NRXN3: variants seen among roughly 807,000 people sequenced by gnomAD.
NRXN3 encodes neurexin III.
In NRXN3, 32 loss-of-function variants were observed where a neutral mutation model predicts 137.6. That is an observed-to-expected ratio of 0.23 (90% confidence interval 0.18 to 0.31). The LOEUF (loss-of-function observed/expected upper bound fraction) is 0.31, where lower values mean the gene tolerates loss of function less well. Ranked by LOEUF, NRXN3 falls within the 10% of genes least tolerant of loss-of-function variation. NRXN3 has a pLI of 1.00. For synonymous variants in NRXN3, 798 were observed against 784.5 expected, an observed-to-expected ratio of 1.02 and a Z score of -0.29; for missense variants, 1,574 against 2,062.5, an observed-to-expected ratio of 0.76 and a Z score of 4.59.
chr14:79,795,504 A>AT (rs2099158437), intron 19 of NRXN3, among the ~76,000 whole-genome samples: 1 of 152,088 alleles, frequency 6.6e-6, no homozygotes, highest in African/African-American at 2.4e-5. Context: ...CCTCCTCTGC[A>AT]TTTTTCCTCT....
intron 15 of NRXN3, among the ~76,000 whole-genome samples, chr14:79,351,095 A>AATGT (rs2093184827): frequency 1.3e-5 from 2 of 152,166 alleles, no homozygotes; most frequent in African/African-American, 2.4e-5. Context: ...CAAACTTTCA[A>AATGT]CTAATGGTCT....
At chr14:79,372,675 A>G (rs2153437044) in intron 15 of NRXN3, among the ~76,000 whole-genome samples, 1 of 152,148 alleles carries the variant, frequency 6.6e-6, no homozygotes, top group East Asian at 1.9e-4. Flanking sequence ...TTTGTTAGTC[A>G]AGGTGCATGT....
intron 16 of NRXN3, among the ~76,000 whole-genome samples, chr14:79,599,289 T>C (rs973589136): frequency 6.6e-6 from 1 of 152,206 alleles, no homozygotes; most frequent in Non-Finnish European, 1.5e-5. Flanking sequence ...TCTTGTATTC[T>C]CTCCTCTTCT....
intron 4 of NRXN3, among the ~76,000 whole-genome samples, chr14:78,611,872 AT>A (rs1421013556): frequency 6.6e-6 from 1 of 152,224 alleles, no homozygotes; most frequent in East Asian, 1.9e-4. Context: ...TCACTTACAG[AT>A]TCTTCCAGAC....
At chr14:79,017,651 A>T (rs2099581540) in intron 15 of NRXN3, among the ~76,000 whole-genome samples, 2 of 152,134 alleles carry the variant, frequency 1.3e-5, no homozygotes, top group South Asian at 4.1e-4. Context: ...CAGCTTGCAC[A>T]TTCTATGCTA....
intron 15 of NRXN3, among the ~76,000 whole-genome samples, chr14:79,328,961 T>C (rs2091295944): frequency 6.6e-6 from 1 of 152,226 alleles, no homozygotes; most frequent in Non-Finnish European, 1.5e-5. Flanking sequence ...TTTCCTTCTT[T>C]GACATAATTT....
At chr14:79,086,519 TGTG>T (rs1196034204) in intron 15 of NRXN3, among the ~76,000 whole-genome samples, 2 of 152,030 alleles carry the variant, frequency 1.3e-5, no homozygotes, top group Admixed American at 6.6e-5. Context: ...CATTTTAAAT[TGTG>T]GTGTTTTAAA....
At position 79,168,949 on chromosome 14, in the gene NRXN3, C is replaced by A. The variant is rs116763557; in HGVS notation, c.3262+180808C>A. Among the ~76,000 whole-genome samples the A allele has an allele frequency of 1.9e-3, 292 of 152,162 alleles. 1 individual carries two copies. The highest frequency in any genetic ancestry group is 6.0e-3 in the African/African-American group (249 of 41,522). On this transcript the variant is annotated intron_variant, in intron 15 of 20. Transcript: ENST00000335750. ...GGGAACATGGAGACTATGGGCACTT[C>A]TCTGATTCATGTGATGTTCTCACAA...
chr14:79,454,183 A>G (rs899817428), intron 15 of NRXN3, among the ~76,000 whole-genome samples: 1 of 152,030 alleles, frequency 6.6e-6, no homozygotes, highest in African/African-American at 2.4e-5. Context: ...TCCCAGGTTC[A>G]AGCGATTCTG....
Position 78,603,264 on chromosome 14 carries a change from A to G in NRXN3, c.758-41856A>G, listed in dbSNP as rs555059815. 1.5e-4 allele frequency among the ~76,000 whole-genome samples: 23 copies of G among 152,130 alleles called. No individual in the cohort carries two copies. In the East Asian group the frequency reaches 4.5e-3, roughly 29 times the overall value. Reference sequence around the variant, plus strand: ...ATGGCATTAAAAGGCCTGCCTGCCTACTTTACAAGGACCCTCATTTCTTTA... The same window carrying G: ...ATGGCATTAAAAGGCCTGCCTGCCTGCTTTACAAGGACCCTCATTTCTTTA... On this transcript the variant is annotated intron_variant, in intron 4 of 20. Transcript: ENST00000335750.
chr14:79,215,516 C>G (rs1178767274), intron 15 of NRXN3, among the ~76,000 whole-genome samples: 1 of 152,094 alleles, frequency 6.6e-6, no homozygotes, highest in Non-Finnish European at 1.5e-5. Flanking sequence ...GGAAGCCTCA[C>G]AATCATGATG....
chr14:79,124,054 C>T (rs946105838), intron 15 of NRXN3, among the ~76,000 whole-genome samples: 1 of 152,126 alleles, frequency 6.6e-6, no homozygotes, highest in Non-Finnish European at 1.5e-5. Flanking sequence ...AAATGTAGCA[C>T]CTGACGCCAA....
At chr14:79,601,864 G>C (rs1363177078) in intron 16 of NRXN3, among the ~76,000 whole-genome samples, 1 of 152,208 alleles carries the variant, frequency 6.6e-6, no homozygotes, top group Non-Finnish European at 1.5e-5. Context: ...AGACAGAAGA[G>C]AGTGCTAGAG....
intron 4 of NRXN3, among the ~76,000 whole-genome samples, chr14:78,516,936 T>C (rs145579664): frequency 4.2e-4 from 64 of 152,300 alleles, no homozygotes; most frequent in African/African-American, 1.4e-3. Flanking sequence ...CAATTTGAAT[T>C]ATCTAGGTCT....
chr14:79,240,507 G>A (rs1300591664), intron 15 of NRXN3, among the ~76,000 whole-genome samples: 1 of 152,060 alleles, frequency 6.6e-6, no homozygotes, highest in East Asian at 1.9e-4. Flanking sequence ...TTTCTAATCA[G>A]CATTGTTTTG....
intron 16 of NRXN3, among the ~76,000 whole-genome samples, chr14:79,583,119 A>G (rs1350824665): frequency 6.6e-6 from 1 of 152,228 alleles, no homozygotes; most frequent in Non-Finnish European, 1.5e-5. Context: ...TTTCAGTACA[A>G]TACATCTAGA....
intron 15 of NRXN3, among the ~76,000 whole-genome samples, chr14:79,343,931 GC>G (rs1391239569): frequency 6.6e-6 from 1 of 152,042 alleles, no homozygotes; most frequent in African/African-American, 2.4e-5. Context: ...GAGCCACCAT[GC>G]CCTGCCTGAA....
chr14:79,323,427 C>T (rs2090365179), intron 15 of NRXN3, among the ~76,000 whole-genome samples: 1 of 152,078 alleles, frequency 6.6e-6, no homozygotes, highest in Non-Finnish European at 1.5e-5. Flanking sequence ...AGCCAAAAGG[C>T]CCATTATTAT....
chr14:78,724,794 G>A (rs552156588), intron 8 of NRXN3, among the ~76,000 whole-genome samples: 1 of 152,294 alleles, frequency 6.6e-6, no homozygotes, highest in Admixed American at 6.5e-5. Flanking sequence ...GGGAAGAGAT[G>A]TATATATTTC....
Sources: allele counts gnomAD v4.1 joint callset (sites outside exome capture counted in the v4.1 genomes callset), GRCh38; gene constraint gnomAD v4.1.1; transcripts MANE v1.5; gene names NCBI Gene and HGNC (gene_info 2026-07-23, HGNC 2026-07-21).